The following LMO2 variants were observed in gnomAD, a reference collection of about 807,000 sequenced individuals.
The protein encoded by LMO2 is LIM domain only 2.
LMO2 carries 20 observed loss-of-function variants against 23.2 expected under a neutral mutation model. The observed-to-expected ratio is 0.86, with a 90% confidence interval of 0.61 to 1.25. LMO2 has a LOEUF of 1.25. Among genes scored for constraint, LMO2 ranks in the 50% most tolerant of loss-of-function variants. The pLI is 0.00. For missense variants in LMO2, 270 were observed against 315.3 expected (o/e 0.86, Z 1.09); for synonymous variants, 123 against 130.2 (o/e 0.94, Z 0.38).
At position 33,864,033 on chromosome 11, in the gene LMO2, G is replaced by T. The variant is rs900368585; in HGVS notation, c.464+569C>A. Among the ~76,000 whole-genome samples the T allele has an allele frequency of 9.2e-5, 14 of 152,120 alleles. No homozygotes were observed. The highest frequency in any genetic ancestry group is 3.4e-4 in the African/African-American group (14 of 41,420). ...ACCAAGCTGGGAAGCAATGGTATTG[G>T]GACTCAAACCTCCAACTGCCTACAG... is the stretch of plus-strand genomic sequence containing the variant. On this transcript the variant is annotated intron_variant, in intron 5 of 5. Transcript: ENST00000257818. This position sits in a 1 kb window ranked among gnomAD's most constrained non-coding sequence, Gnocchi z 4.8.
chr11:33,861,515 G>A (rs542305863), intron 5 of LMO2, among the ~76,000 whole-genome samples: 1 of 152,318 alleles, frequency 6.6e-6, no homozygotes, highest in African/African-American at 2.4e-5. Context: ...CACCGCCTGG[G>A]AGCAAACTCA....
intron 1 of LMO2, among the ~76,000 whole-genome samples, chr11:33,884,948 C>G (rs1244866210): frequency 6.6e-6 from 1 of 152,128 alleles, no homozygotes. Context: ...GGATCTTTCT[C>G]TGAAGTATCT....
intron 1 of LMO2, among the ~76,000 whole-genome samples, chr11:33,890,287 A>C (rs11032439): frequency 0.74 from 112,779 of 152,072 alleles, 41,900 homozygotes; most frequent in African/African-American, 0.78. Context: ...CCTGACTTCA[A>C]GACTATGCAA....
At chr11:33,859,620 A>C in intron 5 of LMO2, 45 bp from the exon 6 acceptor site, 1 of 1,575,316 alleles carries the variant, frequency 6.3e-7, no homozygotes, top group Middle Eastern at 2.1e-4. Flanking sequence ...GAAAGGGACA[A>C]TCCTGGAAGA....
At chr11:33,886,174 G>A (rs367782718) in intron 1 of LMO2, among the ~76,000 whole-genome samples, 2 of 152,118 alleles carry the variant, frequency 1.3e-5, no homozygotes, top group Non-Finnish European at 2.9e-5. Flanking sequence ...CACCATGCCC[G>A]GCCACAACTC....
At chr11:33,870,651 C>T in intron 2 of LMO2, 1 of 861,728 alleles carries the variant, frequency 1.2e-6, no homozygotes, top group Non-Finnish European at 1.4e-6. Context: ...TCTCAGTCGG[C>T]TGGTGGCGGA....
At chr11:33,889,622 A>C (rs1222417649) in intron 1 of LMO2, among the ~76,000 whole-genome samples, 2 of 152,254 alleles carry the variant, frequency 1.3e-5, no homozygotes, top group African/African-American at 4.8e-5. Flanking sequence ...AATGAAGAAA[A>C]GAGACATGAT....
chr11:33,865,809 A>G (rs1856761007), intron 4 of LMO2, among the ~76,000 whole-genome samples: 1 of 152,278 alleles, frequency 6.6e-6, no homozygotes, highest in Non-Finnish European at 1.5e-5. Context: ...ACATTTAAAA[A>G]TAAATAACTT....
At position 33,870,374 on chromosome 11, in the gene LMO2, C is replaced by T. The variant is rs542176739; in HGVS notation, c.-271-387G>A. On this transcript the variant is annotated intron_variant, in intron 2 of 5. Transcript: ENST00000257818. ...ATGCAAGTGTTCCCAGTGGATTTTC[C>T]GCCCGTCCCAGGTTCGAGGTCCCAG... is the stretch of plus-strand genomic sequence containing the variant. 1.8e-5 allele frequency: 18 copies of T among 985,518 alleles called. No homozygotes were observed. The South Asian group carries it at 7.5e-4, about 41-fold the overall frequency. The allele number at this position is 985,518 out of a possible 1,614,324, so 61.0% of individuals were successfully genotyped here.
chr11:33,863,076 T>C (rs1856643563), intron 5 of LMO2, among the ~76,000 whole-genome samples: 1 of 152,166 alleles, frequency 6.6e-6, no homozygotes, highest in Non-Finnish European at 1.5e-5. Context: ...CCTTACTCTA[T>C]CTGCACTTCA....
chr11:33,876,381 G>A (rs761761099), intron 2 of LMO2, among the ~76,000 whole-genome samples: 4 of 152,196 alleles, frequency 2.6e-5, no homozygotes, highest in Non-Finnish European at 4.4e-5. Context: ...CACCTAGAAC[G>A]TGCCTAACGT....
intron 1 of LMO2, among the ~76,000 whole-genome samples, chr11:33,890,159 T>C (rs1418644991): frequency 6.6e-6 from 1 of 151,812 alleles, no homozygotes; most frequent in Non-Finnish European, 1.5e-5. Flanking sequence ...GGGAGGATGA[T>C]GAGAAATTAA....
chr11:33,884,880 C>T (rs1335213454), intron 1 of LMO2, among the ~76,000 whole-genome samples: 1 of 152,210 alleles, frequency 6.6e-6, no homozygotes, highest in Non-Finnish European at 1.5e-5. Context: ...GGTTTTTGCC[C>T]TTCAGTGAAA....
Position 33,864,705 on chromosome 11 carries a change from C to G in LMO2, c.361G>C (p.Glu121Gln), listed in dbSNP as rs1856711069. ...FLKAIDQYWH[E>Q]DCLSCDLCGC... is the part of the protein sequence containing the mutation. Reference sequence around the variant, plus strand: ...CAGAGGTCGCAGCTCAGGCAGTCCTCGTGCCAGTACTGGTCGATGGCCTTC... The same window carrying G: ...CAGAGGTCGCAGCTCAGGCAGTCCTGGTGCCAGTACTGGTCGATGGCCTTC... Residue 121 changes from glutamate (E) to glutamine (Q), a missense_variant, in exon 5 of 6, where the codon GAG becomes CAG. By Grantham distance (29) the Glu-to-Gln change is conservative. This residue lies in a region of LMO2 where 100 missense variants were observed against 153.3 expected (regional missense o/e 0.65). Coordinates refer to ENST00000257818, the MANE Select transcript of LMO2 (RefSeq NM_005574.4). This position sits in a 1 kb window ranked among gnomAD's most constrained non-coding sequence, Gnocchi z 4.8. 6.2e-7 allele frequency: 1 copy of G among 1,613,994 alleles called. No homozygotes were observed. Among genetic ancestry groups the G allele is most frequent in the Admixed American group, 1.7e-5 (1 of 60,004 alleles).
chr11:33,883,445 G>A (rs1219593327), intron 1 of LMO2, among the ~76,000 whole-genome samples: 1 of 152,218 alleles, frequency 6.6e-6, no homozygotes, highest in African/African-American at 2.4e-5. Context: ...GTCAGTAGGA[G>A]AGCCAGGTAA....
chr11:33,860,035 A>G (rs1162232822), intron 5 of LMO2, among the ~76,000 whole-genome samples: 3 of 152,178 alleles, frequency 2.0e-5, no homozygotes, highest in Non-Finnish European at 4.4e-5. Flanking sequence ...TGAGGCTCCC[A>G]AACTCTATCA....
rs1856961809 is a variant in LMO2 at position 33,869,895 on chromosome 11, G to A, written c.-179C>T. On this transcript the variant is annotated 5_prime_UTR_variant, in exon 3 of 6. Coordinates refer to ENST00000257818, the MANE Select transcript of LMO2 (RefSeq NM_005574.4). ...GGGGGCGGCGGCCTAGGGGCGGGGA[G>A]GGGACCGTGCGTCTCTCTCCGGGCT... 9.5e-7 allele frequency: 1 copy of A among 1,050,744 alleles called. No individual in the cohort carries two copies. The allele number at this position is 1,050,744 out of a possible 1,614,324, so 65.1% of individuals were successfully genotyped here. A position where few individuals can be genotyped will look rare whatever the true frequency, so the allele number is the denominator to read the frequency against.
chr11:33,865,543 C>T (rs1343040818), intron 4 of LMO2, among the ~76,000 whole-genome samples: 2 of 152,158 alleles, frequency 1.3e-5, no homozygotes, highest in Admixed American at 6.5e-5. Flanking sequence ...CATTGTTACA[C>T]GAAGGACATC....
intron 4 of LMO2, 122 bp downstream of exon 4, chr11:33,869,224 G>A (rs2133697830): frequency 3.1e-6 from 2 of 642,250 alleles, no homozygotes; most frequent in Non-Finnish European, 4.1e-6. Context: ...GGCACAGGGG[G>A]CCAAGGGCAC....
Sources: gnomAD v4.1 joint callset for allele counts (sites outside exome capture counted in the v4.1 genomes callset) on GRCh38, gnomAD v4.1.1 for gene constraint, gnomAD v4.1.1 regional missense constraint, Gnocchi (gnomAD v3.1) non-coding constraint, MANE v1.5 for transcripts, NCBI Gene and HGNC (gene_info 2026-07-23, HGNC 2026-07-21) for gene names.